Variants in GPC6 observed in about 807,000 individuals in gnomAD.
The protein encoded by GPC6 is glypican-6.
Under a neutral mutation model 55.2 loss-of-function variants are expected in GPC6, and 14 were observed. The observed-to-expected ratio is 0.25, with a 90% CI of 0.17 to 0.40. GPC6 has a LOEUF of 0.40. GPC6 is among the 10% of genes least tolerant of loss of function. GPC6 has a pLI of 1.00. For missense variants in GPC6, 641 were observed against 708.5 expected, an observed-to-expected ratio of 0.90 and a Z score of 1.08; for synonymous variants, 278 against 259.6, an observed-to-expected ratio of 1.07 and a Z score of -0.68.
intron 3 of GPC6, among the ~76,000 whole-genome samples, chr13:94,027,157 C>G (rs1882931886): frequency 1.3e-5 from 2 of 152,154 alleles, no homozygotes; most frequent in South Asian, 4.1e-4. Context: ...TTGCTTCTCA[C>G]ATTTAACACT....
intron 4 of GPC6, among the ~76,000 whole-genome samples, chr13:94,267,031 AT>A (rs1891839943): frequency 6.6e-6 from 1 of 152,144 alleles, no homozygotes; most frequent in Non-Finnish European, 1.5e-5. Flanking sequence ...AGTCTTCTAA[AT>A]TTTTTACACT....
chr13:93,592,869 G>A lies in GPC6; in HGVS notation c.319+47448G>A, dbSNP rs553639382. Reference sequence around the variant, plus strand: ...CTAAGAATATAAAAATACCTCCTACGAAATGCTTATTAAAGAATAATTAAA... The same window carrying A: ...CTAAGAATATAAAAATACCTCCTACAAAATGCTTATTAAAGAATAATTAAA... On this transcript the variant is annotated intron_variant, in intron 2 of 8. Transcript: ENST00000377047. Among the ~76,000 whole-genome samples, 12 of 152,000 alleles carry A rather than the reference G, an allele frequency of 7.9e-5. No individual in the cohort carries two copies. The Middle Eastern group carries it at 0.011, about 137-fold the overall frequency.
intron 3 of GPC6, among the ~76,000 whole-genome samples, chr13:93,939,199 A>G (rs1433864496): frequency 2.0e-5 from 3 of 151,578 alleles, no homozygotes; most frequent in Non-Finnish European, 4.4e-5. Flanking sequence ...ATTAGATTCT[A>G]TATGTATTGG....
Position 93,333,414 on chromosome 13 carries a change from C to CTCTTTG in GPC6, c.160+105799_160+105804dup, listed in dbSNP as rs1177300126. Among the ~76,000 whole-genome samples, 7 of 151,404 alleles carry CTCTTTG rather than the reference C, an allele frequency of 4.6e-5. No individual in the cohort carries two copies. The East Asian group carries it at 1.4e-3, about 29-fold the overall frequency. On this transcript the variant is annotated intron_variant, in intron 1 of 8. Coordinates refer to ENST00000377047, the MANE Select transcript of GPC6 (RefSeq NM_005708.5). Reference sequence around the variant, plus strand: ...GTAATTTTCATTGTAGATGTTTCATCTCTTTGGTTGAATATATTACTAGTT... The same window carrying CTCTTTG: ...GTAATTTTCATTGTAGATGTTTCATCTCTTTGTCTTTGGTTGAATATATTACTAGTT...
chr13:93,894,590 C>T (rs1478607871), intron 3 of GPC6, among the ~76,000 whole-genome samples: 3 of 152,086 alleles, frequency 2.0e-5, no homozygotes, highest in Non-Finnish European at 4.4e-5. Context: ...AACATTGTTC[C>T]ATGCTTTATT....
chr13:93,597,618 T>C (rs1877820319), intron 2 of GPC6, among the ~76,000 whole-genome samples: 1 of 152,190 alleles, frequency 6.6e-6, no homozygotes, highest in Admixed American at 6.5e-5. Context: ...CCCCCTCTTC[T>C]TGCCTCTCCT....
At chr13:94,297,184 A>G (rs1594142840) in intron 5 of GPC6, among the ~76,000 whole-genome samples, 1 of 152,130 alleles carries the variant, frequency 6.6e-6, no homozygotes, top group East Asian at 1.9e-4. Context: ...CACTTCTTAC[A>G]TTCTATAATA....
intron 3 of GPC6, among the ~76,000 whole-genome samples, chr13:94,003,725 C>T (rs74109188): frequency 6.6e-6 from 1 of 152,010 alleles, no homozygotes; most frequent in South Asian, 2.1e-4. Context: ...TTGTATAGGT[C>T]GAGTGTGGAG....
intron 5 of GPC6, among the ~76,000 whole-genome samples, chr13:94,303,836 A>ATTCGTGTTT (rs1875798107): frequency 6.6e-6 from 1 of 151,870 alleles, no homozygotes; most frequent in African/African-American, 2.4e-5. Flanking sequence ...TCCCTAGAAC[A>ATTCGTGTTT]CTAATATTCT....
intron 2 of GPC6, among the ~76,000 whole-genome samples, chr13:93,671,269 CT>C (rs756116513): frequency 0.011 from 1,645 of 143,994 alleles, 16 homozygotes; most frequent in African/African-American, 0.027. Context: ...GGCACTGAAA[CT>C]TTTTTTTTTT....
At chr13:93,300,282 A>T (rs562896579) in intron 1 of GPC6, among the ~76,000 whole-genome samples, 1 of 152,332 alleles carries the variant, frequency 6.6e-6, no homozygotes, top group East Asian at 1.9e-4. Context: ...GCACTACATT[A>T]CTGAAAATAA....
At chr13:93,663,554 T>G (rs953205258) in intron 2 of GPC6, among the ~76,000 whole-genome samples, 1 of 152,198 alleles carries the variant, frequency 6.6e-6, no homozygotes, top group Non-Finnish European at 1.5e-5. Context: ...TAATAATGGA[T>G]TTTAAAGTTA....
At chr13:94,067,419 C>T (rs112051614) in intron 4 of GPC6, among the ~76,000 whole-genome samples, 13 of 151,934 alleles carry the variant, frequency 8.6e-5, no homozygotes, top group Middle Eastern at 3.4e-3. Context: ...TTTATTATGC[C>T]GTATTCTGCT....
intron 1 of GPC6, among the ~76,000 whole-genome samples, chr13:93,386,272 G>T (rs1875399499): frequency 6.6e-6 from 1 of 152,140 alleles, no homozygotes; most frequent in African/African-American, 2.4e-5. Flanking sequence ...TACTGCAGAG[G>T]CAGTGCTGTT....
At chr13:94,024,135 A>ACACACACACACACACAC in intron 3 of GPC6, among the ~76,000 whole-genome samples, 1 of 151,592 alleles carries the variant, frequency 6.6e-6, no homozygotes, top group African/African-American at 2.4e-5. Flanking sequence ...ACACACACAC[A>ACACACACACACACACAC]AGTGAATACA....
At chr13:93,523,111 G>A (rs546127732) in intron 1 of GPC6, among the ~76,000 whole-genome samples, 191 of 148,348 alleles carry the variant, frequency 1.3e-3, no homozygotes, top group Non-Finnish European at 2.2e-3. Context: ...TTACACACAC[G>A]TGTGTATATA....
intron 2 of GPC6, among the ~76,000 whole-genome samples, chr13:93,626,477 AC>A (rs1297087282): frequency 6.6e-6 from 1 of 152,080 alleles, no homozygotes; most frequent in Non-Finnish European, 1.5e-5. Context: ...ATTTTGGATA[AC>A]CCTTGTATTA....
intron 6 of GPC6, among the ~76,000 whole-genome samples, chr13:94,345,841 G>T (rs2139161890): frequency 6.6e-6 from 1 of 152,308 alleles, no homozygotes; most frequent in East Asian, 1.9e-4. Context: ...CAAGAGAAAT[G>T]TATTGTCTCA....
intron 2 of GPC6, among the ~76,000 whole-genome samples, chr13:93,714,703 G>A (rs944468537): frequency 6.6e-5 from 10 of 151,640 alleles, no homozygotes; most frequent in Admixed American, 2.6e-4. Flanking sequence ...ATCACAAGGA[G>A]AAAGCCAAAG....
Sources: gnomAD v4.1 joint callset for allele counts (sites outside exome capture counted in the v4.1 genomes callset) on GRCh38, gnomAD v4.1.1 for gene constraint, MANE v1.5 for transcripts, NCBI Gene and HGNC (gene_info 2026-07-23, HGNC 2026-07-21) for gene names.